ST6GAL2: variants seen among roughly 807,000 people sequenced by gnomAD.
The protein encoded by ST6GAL2 is beta-galactoside alpha-2,6-sialyltransferase 2.
ST6GAL2 carries 24 observed loss-of-function variants against 37.5 expected under a neutral mutation model. The observed-to-expected ratio is 0.64, with a 90% confidence interval of 0.46 to 0.90. ST6GAL2 has a LOEUF of 0.90. Ranked by LOEUF, ST6GAL2 falls within the 40% of genes least tolerant of loss-of-function variation. The pLI is 0.00. For synonymous variants in ST6GAL2, 306 were observed against 295.1 expected (o/e 1.04, Z -0.38); for missense variants, 715 against 712.7 (o/e 1.00, Z -0.04).
intron 1 of ST6GAL2, among the ~76,000 whole-genome samples, chr2:106,844,484 C>T (rs1007013279): frequency 6.6e-6 from 1 of 152,162 alleles, no homozygotes; most frequent in African/African-American, 2.4e-5. Flanking sequence ...ACCGAAAGCT[C>T]AGAGCTCATA....
intron 1 of ST6GAL2, among the ~76,000 whole-genome samples, chr2:106,859,668 C>A (rs528436306): frequency 6.6e-6 from 1 of 152,164 alleles, no homozygotes; most frequent in Non-Finnish European, 1.5e-5. Context: ...CATCTAGACT[C>A]TGACAACGCA....
Position 106,830,129 on chromosome 2 carries a change from C to A in ST6GAL2, c.1255G>T (p.Asp419Tyr), listed in dbSNP as rs1055915782. Residue 419 changes from aspartate to tyrosine, a missense_variant, in exon 5 of 6, where the codon GAT becomes TAT. Physicochemically the swap from Asp to Tyr is radical, Grantham distance 160. Coordinates refer to ENST00000409382, the MANE Select transcript of ST6GAL2 (RefSeq NM_001142351.2). ...TCTTTAGTGTTCTCCTGGATAATAT[C>A]CCAGAGCTGCCATATAAATTTAGGA... ...LHPKFIWQLW[D>Y]IIQENTKEKI... The A allele has an allele frequency of 2.5e-6, 4 of 1,613,958 alleles. No individual in the cohort carries two copies. The highest frequency in any genetic ancestry group is 1.7e-5 in the Admixed American group (1 of 60,020).
chr2:106,881,357 C>T (rs1374678079), intron 1 of ST6GAL2, among the ~76,000 whole-genome samples: 1 of 152,204 alleles, frequency 6.6e-6, no homozygotes, highest in Non-Finnish European at 1.5e-5. Context: ...CCTCTTCTAA[C>T]AGTACAAACA....
At position 106,856,675 on chromosome 2, in the gene ST6GAL2, A is replaced by T. The variant is rs765477285; in HGVS notation, c.-57-12641T>A. The stretch of plus-strand genomic sequence containing the variant: ...TGAGAAAAATGAGTGACAGCAAGGT[A>T]TTAATTACTTAAAAGCACTGCTTGT... On this transcript the variant is annotated intron_variant, in intron 1 of 5. Coordinates refer to ENST00000409382, the MANE Select transcript of ST6GAL2 (RefSeq NM_001142351.2). Among the ~76,000 whole-genome samples the T allele has an allele frequency of 5.9e-5, 9 of 152,204 alleles. 1 individual carries two copies. Among genetic ancestry groups the T allele is most frequent in the South Asian group, 2.1e-4 (1 of 4,834 alleles).
Position 106,804,202 on chromosome 2 carries a change from T to A in ST6GAL2, c.*2476A>T, listed in dbSNP as rs1327983041. On this transcript the variant is annotated 3_prime_UTR_variant, in exon 6 of 6. Coordinates refer to ENST00000409382, the MANE Select transcript of ST6GAL2 (RefSeq NM_001142351.2). ...GAAACTGAAAGTACTATTTTAAAAG[T>A]ACAATGACTACGACAAAATTCCATT... is the stretch of plus-strand genomic sequence containing the variant. 6.6e-6 allele frequency: 1 copy of A among 152,226 alleles called. No homozygotes were observed. Among genetic ancestry groups the A allele is most frequent in the Non-Finnish European group, 1.5e-5 (1 of 68,030 alleles). 9.4% of individuals were successfully genotyped at this position (152,226 alleles called of 1,614,324 possible).
intron 1 of ST6GAL2, among the ~76,000 whole-genome samples, chr2:106,867,946 G>A (rs1678104522): frequency 6.6e-6 from 1 of 152,068 alleles, no homozygotes; most frequent in South Asian, 2.1e-4. Flanking sequence ...TCAATCATAA[G>A]TCATCTCAAA....
At chr2:106,834,020 C>T (rs771822437) in intron 3 of ST6GAL2, 29 bp downstream of exon 3, 5 of 1,522,770 alleles carry the variant, frequency 3.3e-6, no homozygotes, top group Non-Finnish European at 4.5e-6. Flanking sequence ...AAGAAACATA[C>T]ATCCATGAAA....
chr2:106,854,513 A>G (rs1365619564), intron 1 of ST6GAL2, among the ~76,000 whole-genome samples: 1 of 152,214 alleles, frequency 6.6e-6, no homozygotes, highest in Non-Finnish European at 1.5e-5. Flanking sequence ...TGATATAAGC[A>G]TATATTATAC....
At chr2:106,826,159 A>G (rs1193025098) in intron 5 of ST6GAL2, among the ~76,000 whole-genome samples, 3 of 152,196 alleles carry the variant, frequency 2.0e-5, no homozygotes, top group African/African-American at 7.2e-5. Context: ...TATGCAGTGG[A>G]TGTGTTAGTC....
chr2:106,855,569 T>G (rs1677542352), intron 1 of ST6GAL2, among the ~76,000 whole-genome samples: 1 of 152,188 alleles, frequency 6.6e-6, no homozygotes, highest in Non-Finnish European at 1.5e-5. Context: ...GGATGCCTGC[T>G]TCATTACTAA....
At chr2:106,848,624 A>G (rs1677237784) in intron 1 of ST6GAL2, among the ~76,000 whole-genome samples, 1 of 152,226 alleles carries the variant, frequency 6.6e-6, no homozygotes, top group African/African-American at 2.4e-5. Context: ...ACACCAGATA[A>G]TCTAATATGA....
chr2:106,887,225 C>T (rs1476202841), upstream of ST6GAL2: 1 of 152,354 alleles, frequency 6.6e-6, no homozygotes, highest in East Asian at 1.9e-4. Flanking sequence ...GCGCAGCATC[C>T]TCCCCGGCTC....
chr2:106,860,944 T>C (rs531215926), intron 1 of ST6GAL2, among the ~76,000 whole-genome samples: 1 of 152,244 alleles, frequency 6.6e-6, no homozygotes, highest in East Asian at 1.9e-4. Flanking sequence ...CTGCTTTGAT[T>C]GACTGCACAA....
intron 1 of ST6GAL2, among the ~76,000 whole-genome samples, chr2:106,878,321 A>C (rs923956963): frequency 1.3e-5 from 2 of 151,984 alleles, no homozygotes; most frequent in Non-Finnish European, 1.5e-5. Flanking sequence ...AAAAGTAACC[A>C]GGTGTGGTGG....
chr2:106,829,561 T>C (rs1449646701), intron 5 of ST6GAL2, among the ~76,000 whole-genome samples: 1 of 152,142 alleles, frequency 6.6e-6, no homozygotes, highest in Non-Finnish European at 1.5e-5. Flanking sequence ...ATAACCCCCA[T>C]GGATGCCATA....
intron 5 of ST6GAL2, among the ~76,000 whole-genome samples, chr2:106,809,407 T>A (rs139563603): frequency 3.3e-5 from 5 of 152,362 alleles, no homozygotes; most frequent in Non-Finnish European, 7.3e-5. Context: ...TACTTGGGCA[T>A]TTCTATGAGC....
intron 4 of ST6GAL2, among the ~76,000 whole-genome samples, chr2:106,832,102 G>A (rs1676446292): frequency 6.6e-6 from 1 of 152,134 alleles, no homozygotes; most frequent in African/African-American, 2.4e-5. Flanking sequence ...GGCCAAAGAG[G>A]AACACACTCA....
chr2:106,875,471 C>T (rs1403744236), intron 1 of ST6GAL2, among the ~76,000 whole-genome samples: 6 of 152,218 alleles, frequency 3.9e-5, no homozygotes, highest in Non-Finnish European at 5.9e-5. Context: ...AGCCACTGCA[C>T]CCAGCCCATT....
At position 106,843,114 on chromosome 2, in the gene ST6GAL2, C is replaced by A. The variant is rs748177403; in HGVS notation, c.864G>T (p.Leu288=). The stretch of plus-strand genomic sequence containing the variant: ...CGCAGCTGCGCAGGCCGCGGGGGTG[C>A]AGCTGGCTCAGGGGCACGGCGGGCA... ...RLVPAVPLSQ[L]HPRGLRSCAV... Residue 288 remains leucine (L), a synonymous_variant, in exon 2 of 6, where the codon CTG becomes CTT. Coordinates refer to ENST00000409382, the MANE Select transcript of ST6GAL2 (RefSeq NM_001142351.2). 54 of 1,561,844 alleles carry A rather than the reference C, an allele frequency of 3.5e-5. No individual in the cohort carries two copies. Among genetic ancestry groups the A allele is most frequent in the Non-Finnish European group, 4.6e-5 (53 of 1,158,972 alleles).
Sources: allele counts gnomAD v4.1 joint callset (sites outside exome capture counted in the v4.1 genomes callset), GRCh38; gene constraint gnomAD v4.1.1; transcripts MANE v1.5; gene names NCBI Gene and HGNC (gene_info 2026-07-23, HGNC 2026-07-21).